The following WDFY1 variants were observed in gnomAD, a reference collection of about 807,000 sequenced individuals.
WDFY1 encodes WD repeat and FYVE domain containing 1, also known as WD repeat and FYVE domain-containing protein 1.
Under a neutral mutation model 56.4 loss-of-function variants are expected in WDFY1, and 32 were observed. The ratio of observed to expected loss-of-function variants is 0.57; its 90% CI spans 0.43 to 0.76. The LOEUF (loss-of-function observed/expected upper bound fraction) is 0.76, where lower values mean the gene tolerates loss of function less well. WDFY1 is among the 30% of genes least tolerant of loss of function. The probability of loss-of-function intolerance (pLI) is 0.00; values close to 1 mark genes in which losing one functional copy is unlikely to be tolerated. For missense variants in WDFY1, 480 were observed against 545.7 expected, an observed-to-expected ratio of 0.88 and a Z score of 1.20; for synonymous variants, 192 against 197.3, an observed-to-expected ratio of 0.97 and a Z score of 0.23.
chr2:223,928,179 G>T (rs577595203), intron 1 of WDFY1, among the ~76,000 whole-genome samples: 129 of 152,282 alleles, frequency 8.5e-4, no homozygotes, highest in African/African-American at 2.9e-3. Context: ...GTGACACAGA[G>T]ACACAAAGTG....
chr2:223,897,139 T>C (rs1171897835), intron 6 of WDFY1, among the ~76,000 whole-genome samples: 1 of 152,066 alleles, frequency 6.6e-6, no homozygotes, highest in African/African-American at 2.4e-5. Flanking sequence ...ACATTTATTA[T>C]AACTTGTTAC....
chr2:223,882,992 G>C (rs572315608), intron 9 of WDFY1, among the ~76,000 whole-genome samples: 76 of 152,248 alleles, frequency 5.0e-4, no homozygotes, highest in South Asian at 1.5e-3. Context: ...GCCTCCCAAA[G>C]TGCTAGGATT....
chr2:223,900,224 A>G (rs1490370250), intron 5 of WDFY1, among the ~76,000 whole-genome samples: 1 of 152,192 alleles, frequency 6.6e-6, no homozygotes, highest in Non-Finnish European at 1.5e-5. Context: ...ATTTTCTACA[A>G]ATCCATTTTG....
chr2:223,910,933 A>G (rs1434646624), intron 3 of WDFY1, among the ~76,000 whole-genome samples: 5 of 152,200 alleles, frequency 3.3e-5, no homozygotes, highest in African/African-American at 1.2e-4. Context: ...AGAGAATAGA[A>G]AAAAATATGT....
chr2:223,925,711 C>T (rs1162565178), intron 1 of WDFY1, among the ~76,000 whole-genome samples: 1 of 152,216 alleles, frequency 6.6e-6, no homozygotes, highest in Non-Finnish European at 1.5e-5. Flanking sequence ...TTAATGCCTG[C>T]TGCTCCTCCA....
At chr2:223,884,305 G>A (rs902221364) in intron 9 of WDFY1, among the ~76,000 whole-genome samples, 4 of 152,104 alleles carry the variant, frequency 2.6e-5, no homozygotes, top group Admixed American at 2.6e-4. Flanking sequence ...ATAACTGTAT[G>A]ACTTTATTCT....
intron 6 of WDFY1, 67 bp downstream of exon 6, chr2:223,898,891 T>C (rs1693447914): frequency 2.5e-6 from 3 of 1,186,596 alleles, no homozygotes; most frequent in African/African-American, 3.0e-5. Flanking sequence ...TGAATCCACA[T>C]AGTAGAGAAC....
intron 8 of WDFY1, among the ~76,000 whole-genome samples, chr2:223,890,127 G>C (rs1693242692): frequency 2.0e-5 from 3 of 152,154 alleles, no homozygotes; most frequent in Admixed American, 2.0e-4. Flanking sequence ...GCAACCTACA[G>C]ATCTGAGCTC....
chr2:223,908,781 A>C (rs1300099260), intron 3 of WDFY1, among the ~76,000 whole-genome samples: 1 of 151,996 alleles, frequency 6.6e-6, no homozygotes, highest in Admixed American at 6.6e-5. Flanking sequence ...TGAACTCATC[A>C]CCTTTCCCCA....
In WDFY1 at chr2:223,894,281, AG is replaced by A; in HGVS notation, c.783del (p.Ser262ArgfsTer37). The A allele has an allele frequency of 6.2e-7, 1 of 1,614,200 alleles. No individual in the cohort carries two copies. Among genetic ancestry groups the A allele is most frequent in the Non-Finnish European group, 8.5e-7 (1 of 1,180,018 alleles). On this transcript the variant is annotated frameshift_variant, in exon 8 of 12. Coordinates refer to ENST00000233055, the MANE Select transcript of WDFY1 (RefSeq NM_020830.5). LOFTEE classifies it high-confidence loss of function. ...TTCCACACTGCAATTCCGCCGTCCG[AG>A]GAACAGGAGACGAGCTGCCTGGTGA... ...LQLTRQLVSC[S>X]SDGGIAVWNM... is the part of the protein sequence containing the mutation.
intron 1 of WDFY1, among the ~76,000 whole-genome samples, chr2:223,920,879 C>T (rs747168991): frequency 2.6e-5 from 4 of 152,236 alleles, no homozygotes; most frequent in African/African-American, 4.8e-5. Context: ...TCGCCTTCAG[C>T]TAAGCATCAC....
intron 1 of WDFY1, among the ~76,000 whole-genome samples, chr2:223,943,211 C>A (rs1689344757): frequency 6.7e-6 from 1 of 148,846 alleles, no homozygotes; most frequent in Non-Finnish European, 1.5e-5. Flanking sequence ...AGTCATTATT[C>A]TGTCCTTGCC....
intron 8 of WDFY1, among the ~76,000 whole-genome samples, chr2:223,893,666 C>G (rs1031464952): frequency 6.6e-6 from 1 of 152,144 alleles, no homozygotes; most frequent in African/African-American, 2.4e-5. Flanking sequence ...GAAATTAAGG[C>G]ACTTAACCAA....
intron 3 of WDFY1, among the ~76,000 whole-genome samples, chr2:223,906,982 T>TATTATTATA (rs1442747968): frequency 1.3e-5 from 2 of 149,496 alleles, no homozygotes; most frequent in African/African-American, 5.0e-5. Context: ...TTATTATTAT[T>TATTATTATA]ATATTATTTT....
chr2:223,944,994 G>C (rs959888674), intron 1 of WDFY1, among the ~76,000 whole-genome samples, 154 bp downstream of exon 1: 3 of 152,154 alleles, frequency 2.0e-5, no homozygotes, highest in Non-Finnish European at 2.9e-5. Context: ...GGAGGGAACC[G>C]GGAACCCGGC....
At chr2:223,885,068 C>G (rs1313178707) in intron 8 of WDFY1, among the ~76,000 whole-genome samples, 1 of 152,086 alleles carries the variant, frequency 6.6e-6, no homozygotes, top group Non-Finnish European at 1.5e-5. Flanking sequence ...TCTCAAACTC[C>G]TGACCTCCCA....
chr2:223,881,840 A>G, intron 10 of WDFY1, 102 bp downstream of exon 10: 1 of 1,451,628 alleles, frequency 6.9e-7, no homozygotes, highest in Non-Finnish European at 9.2e-7. Flanking sequence ...AAACAAACAC[A>G]TGGCTAAACA....
chr2:223,936,150 C>A (rs549673173), intron 1 of WDFY1, among the ~76,000 whole-genome samples: 1 of 151,306 alleles, frequency 6.6e-6, no homozygotes, highest in East Asian at 1.9e-4. Context: ...CAACCTATGC[C>A]CCTTGGGTTC....
At chr2:223,919,941 G>C (rs1693861932) in intron 1 of WDFY1, among the ~76,000 whole-genome samples, 1 of 152,146 alleles carries the variant, frequency 6.6e-6, no homozygotes, top group Non-Finnish European at 1.5e-5. Flanking sequence ...CCTCGACACA[G>C]TGCCAATTAC....
Sources: allele counts gnomAD v4.1 joint callset (sites outside exome capture counted in the v4.1 genomes callset), GRCh38; gene constraint gnomAD v4.1.1; transcripts MANE v1.5; gene names NCBI Gene and HGNC (gene_info 2026-07-23, HGNC 2026-07-21).